The following RABEP2 variants were observed in gnomAD, a reference collection of about 807,000 sequenced individuals.
RABEP2 encodes the protein rab GTPase-binding effector protein 2.
RABEP2 carries 57 observed loss-of-function variants against 74.1 expected under a neutral mutation model. The observed-to-expected ratio is 0.77, with a 90% confidence interval of 0.62 to 0.96. The LOEUF (loss-of-function observed/expected upper bound fraction) is 0.96, where lower values mean the gene tolerates loss of function less well. RABEP2 is among the 40% of genes least tolerant of loss of function. RABEP2 has a pLI of 0.00. For missense variants in RABEP2, 692 were observed against 756.3 expected, an observed-to-expected ratio of 0.91 and a Z score of 1.00; for synonymous variants, 351 against 344.0, an observed-to-expected ratio of 1.02 and a Z score of -0.23.
Position 28,912,741 on chromosome 16 carries a change from G to A in RABEP2, c.894+1495C>T, listed in dbSNP as rs183119729. Among the ~76,000 whole-genome samples the A allele has an allele frequency of 2.0e-3, 307 of 152,076 alleles. 1 individual carries two copies. Among genetic ancestry groups the A allele is most frequent in the African/African-American group, 7.1e-3 (295 of 41,498 alleles). ...AGTGAGCTTTTGAAAGCCTGGAGCC[G>A]GGAGGCTTCTCCGTTGCTTAACCCT... On this transcript the variant is annotated intron_variant, in intron 5 of 12. Coordinates refer to ENST00000358201, the MANE Select transcript of RABEP2 (RefSeq NM_024816.3).
At position 28,910,965 on chromosome 16, in the gene RABEP2, C is replaced by T. The variant is rs963209132; in HGVS notation, c.1012G>A (p.Val338Ile). The T allele has an allele frequency of 1.2e-6, 2 of 1,612,198 alleles. No individual in the cohort carries two copies. Among genetic ancestry groups the T allele is most frequent in the East Asian group, 2.2e-5 (1 of 44,838 alleles). ...CGCAGCAGCTGCTCTGAGTTCTGGA[C>T]CTGGGCCAGGAGCACCTGCATCTGG... ...AKQMQVLLAQ[V>I]QNSEQLLRTL... is the part of the protein sequence containing the mutation. The change falls in exon 7 of 13, where the codon GTC becomes ATC. Residue 338 changes from valine to isoleucine, a missense_variant. By Grantham distance (29) the Val-to-Ile change is conservative. Transcript: ENST00000358201.
In RABEP2 at chr16:28,908,249, A is replaced by G. The variant is rs530443752; in HGVS notation, c.1245+360T>C. Among the ~76,000 whole-genome samples the G allele has an allele frequency of 2.0e-4, 13 of 65,300 alleles. No homozygotes were observed. In the East Asian group the frequency reaches 0.011, roughly 54 times the overall value. The allele number at this position is 65,300 out of a possible 152,430, so 42.8% of individuals were successfully genotyped here. ...AGCCATCGCGCCTGGCTAATAAGCCATATTATTAAGAAAAAGTTGACAAAG... is the reference window on the plus strand; with the variant it reads ...AGCCATCGCGCCTGGCTAATAAGCCGTATTATTAAGAAAAAGTTGACAAAG... On this transcript the variant is annotated intron_variant, in intron 8 of 12. Coordinates refer to ENST00000358201, the MANE Select transcript of RABEP2 (RefSeq NM_024816.3).
intron 3 of RABEP2, 43 bp from the exon 4 acceptor site, chr16:28,914,825 G>C (rs373748819): frequency 6.4e-7 from 1 of 1,568,148 alleles, no homozygotes; most frequent in African/African-American, 1.4e-5. Flanking sequence ...CCCCTCCAAA[G>C]TGCTGAAGCC....
At chr16:28,924,177 A>C in intron 2 of RABEP2, 1 of 574,056 alleles carries the variant, frequency 1.7e-6, no homozygotes, top group Non-Finnish European at 3.1e-6. Flanking sequence ...CAACAGATAG[A>C]AGCTGGGAGC....
intron 3 of RABEP2, 41 bp from the exon 4 acceptor site, chr16:28,914,823 A>G: frequency 6.4e-7 from 1 of 1,568,306 alleles, no homozygotes; most frequent in Non-Finnish European, 8.8e-7. Flanking sequence ...TCCCCCTCCA[A>G]AGTGCTGAAG....
chr16:28,910,903 C>T lies in RABEP2; in HGVS notation c.1074G>A (p.Arg358=). ...AGGTACTCACCATCTGCAGCTGCAC[C>T]CGCTCCTGGGCCTGGCTCACGGTCC... The part of the protein sequence containing the change: ...LQGTVSQAQE[R]VQLQMAELVT... The change falls in exon 7 of 13, where the codon CGG becomes CGA. Residue 358 remains arginine, a synonymous_variant. Transcript: ENST00000358201. The T allele has an allele frequency of 1.2e-6, 2 of 1,611,980 alleles. No homozygotes were observed. The highest frequency in any genetic ancestry group is 1.7e-6 in the Non-Finnish European group (2 of 1,179,344).
Position 28,914,759 on chromosome 16 carries a change from C to A in RABEP2, c.456G>T (p.Leu152=). The change falls in exon 4 of 13, where the codon CTG becomes CTT. Residue 152 remains leucine (L), a synonymous_variant. Coordinates refer to ENST00000358201, the MANE Select transcript of RABEP2 (RefSeq NM_024816.3). ...TTTCCATGGGCAGTACGATCTCCCG[C>A]AGCTTCTCCGAGTCCTCGTGGGCCT... ...MEKAHEDSEK[L]REIVLPMEKE... is the part of the protein sequence containing the mutation. The A allele has an allele frequency of 6.2e-7, 1 of 1,614,190 alleles. No homozygotes were observed. Among genetic ancestry groups the A allele is most frequent in the Non-Finnish European group, 8.5e-7 (1 of 1,180,026 alleles).
intron 1 of RABEP2, 79 bp from the exon 2 acceptor site, chr16:28,924,694 G>C (rs1266555092): frequency 7.6e-7 from 1 of 1,317,304 alleles, no homozygotes; most frequent in Non-Finnish European, 1.1e-6. Flanking sequence ...CTGCAACCTA[G>C]TACTGTTGCC....
intron 8 of RABEP2, among the ~76,000 whole-genome samples, chr16:28,906,491 G>A (rs553222840): frequency 3.3e-5 from 5 of 152,286 alleles, no homozygotes; most frequent in Admixed American, 2.6e-4. Flanking sequence ...CTTGCCGGGC[G>A]CGGTGGCTCA....
chr16:28,909,900 G>C (rs1964287695), intron 7 of RABEP2, among the ~76,000 whole-genome samples: 3 of 151,728 alleles, frequency 2.0e-5, no homozygotes, highest in Non-Finnish European at 4.4e-5. Flanking sequence ...GTGGTGGCAG[G>C]CACCTGTAGT....
At position 28,911,175 on chromosome 16, in the gene RABEP2, C is replaced by T. The variant is rs754739322; in HGVS notation, c.899G>A (p.Arg300Gln). 4.4e-6 allele frequency: 7 copies of T among 1,608,552 alleles called. No individual in the cohort carries two copies. Among genetic ancestry groups the T allele is most frequent in the Non-Finnish European group, 3.4e-6 (4 of 1,179,850 alleles). The change falls in exon 6 of 13, where the codon CGA (arginine) becomes CAA (glutamine). Residue 300 changes from arginine to glutamine, a missense_variant. Transcript: ENST00000358201. ...GCTCTCCAGGTCCTTCTGCAGCTGTCGGCCCTGCCACAGACCCTGCCTTCA... is the reference window on the plus strand; with the variant it reads ...GCTCTCCAGGTCCTTCTGCAGCTGTTGGCCCTGCCACAGACCCTGCCTTCA... ...TQWEQLQTEG[R>Q]QLQKDLESVS...
intron 10 of RABEP2, 26 bp from the exon 11 acceptor site, chr16:28,905,785 G>A (rs752782476): frequency 6.2e-6 from 10 of 1,613,766 alleles, no homozygotes; most frequent in East Asian, 2.2e-5. Flanking sequence ...AGGGGGAGAC[G>A]TCAGGGCCAT....
At chr16:28,917,282 C>T (rs982746513) in intron 3 of RABEP2, among the ~76,000 whole-genome samples, 5 of 152,206 alleles carry the variant, frequency 3.3e-5, no homozygotes, top group African/African-American at 4.8e-5. Flanking sequence ...TCAGTGAAAA[C>T]GGCCCTGCTG....
At position 28,910,902 on chromosome 16, in the gene RABEP2, C is replaced by T. The variant is rs1478617075; in HGVS notation, c.1075G>A (p.Val359Met). 1 of 1,611,828 alleles carries T rather than the reference C, an allele frequency of 6.2e-7. No homozygotes were observed. The highest frequency in any genetic ancestry group is 8.5e-7 in the Non-Finnish European group (1 of 1,179,272). ...CAGGTACTCACCATCTGCAGCTGCA[C>T]CCGCTCCTGGGCCTGGCTCACGGTC... is the stretch of plus-strand genomic sequence containing the variant. ...QGTVSQAQER[V>M]QLQMAELVTT... The change falls in exon 7 of 13, where the codon GTG becomes ATG. Residue 359 changes from valine (V) to methionine (M), a missense_variant. Val to Met is a conservative substitution (Grantham distance 21). Coordinates refer to ENST00000358201, the MANE Select transcript of RABEP2 (RefSeq NM_024816.3).
intron 3 of RABEP2, among the ~76,000 whole-genome samples, chr16:28,919,515 AT>A (rs889652932): frequency 2.0e-5 from 3 of 152,094 alleles, no homozygotes; most frequent in African/African-American, 7.2e-5. Context: ...AACAGTAAGA[AT>A]TTTTTTTGTT....
chr16:28,908,949 AC>A (rs1360314639), intron 7 of RABEP2, among the ~76,000 whole-genome samples, 185 bp from the exon 8 acceptor site: 5 of 151,852 alleles, frequency 3.3e-5, no homozygotes, highest in African/African-American at 1.2e-4. Context: ...CCCTGCTAAC[AC>A]GCAGATTACA....
At chr16:28,915,515 C>T (rs982961606) in intron 3 of RABEP2, among the ~76,000 whole-genome samples, 2 of 152,036 alleles carry the variant, frequency 1.3e-5, no homozygotes, top group Admixed American at 1.3e-4. Context: ...CCAAGGGGAC[C>T]TTCCAGGACA....
chr16:28,912,378 C>A (rs1964326088), intron 5 of RABEP2, among the ~76,000 whole-genome samples: 1 of 151,500 alleles, frequency 6.6e-6, no homozygotes. Flanking sequence ...CCTACCCCAA[C>A]ACAGCCCCAA....
At chr16:28,908,999 CTATA>C (rs113226418) in intron 7 of RABEP2, among the ~76,000 whole-genome samples, 4 of 148,492 alleles carry the variant, frequency 2.7e-5, no homozygotes, top group Non-Finnish European at 3.0e-5. Flanking sequence ...TTTACTTGGT[CTATA>C]TATATATATA....
Sources: allele counts gnomAD v4.1 joint callset (sites outside exome capture counted in the v4.1 genomes callset), GRCh38; gene constraint gnomAD v4.1.1; transcripts MANE v1.5; gene names NCBI Gene and HGNC (gene_info 2026-07-23, HGNC 2026-07-21).